The following RYR3 variants were observed in gnomAD, a reference collection of about 807,000 sequenced individuals.
RYR3 encodes the protein brain ryanodine receptor-calcium release channel.
Under a neutral mutation model 584.3 loss-of-function variants are expected in RYR3, and 207 were observed. The observed-to-expected ratio is 0.35, with a 90% CI of 0.32 to 0.40. RYR3 has a LOEUF of 0.40. Among genes scored for constraint, RYR3 ranks in the 10% least tolerant of loss-of-function variants. RYR3 has a pLI of 1.00. For missense variants in RYR3, 5,616 were observed against 6,089.2 expected (o/e 0.92, Z 2.59); for synonymous variants, 2,416 against 2,248.5 (o/e 1.07, Z -2.11).
intron 1 of RYR3, among the ~76,000 whole-genome samples, chr15:33,336,027 G>C (rs978606099): frequency 6.6e-6 from 1 of 152,022 alleles, no homozygotes; most frequent in African/African-American, 2.4e-5. Context: ...GCCAAATTCT[G>C]GTTATTTTAA....
intron 1 of RYR3, among the ~76,000 whole-genome samples, chr15:33,407,327 G>C (rs1043765994): frequency 6.6e-6 from 1 of 152,220 alleles, no homozygotes; most frequent in Non-Finnish European, 1.5e-5. Flanking sequence ...CAGAAGAGAA[G>C]TAAAACAGGG....
At chr15:33,742,042 T>C (rs1312879458) in intron 51 of RYR3, among the ~76,000 whole-genome samples, 2 of 152,172 alleles carry the variant, frequency 1.3e-5, no homozygotes, top group Non-Finnish European at 2.9e-5. Flanking sequence ...TGACAGGCCA[T>C]TTACCTTGGA....
intron 14 of RYR3, 43 bp from the exon 15 acceptor site, chr15:33,584,352 T>C (rs2058738191): frequency 1.8e-6 from 2 of 1,089,818 alleles, no homozygotes; most frequent in African/African-American, 1.5e-5. Context: ...CGCCCATCAT[T>C]ATATCCTTTA....
intron 1 of RYR3, among the ~76,000 whole-genome samples, chr15:33,381,051 C>A (rs1188853180): frequency 6.6e-6 from 1 of 152,174 alleles, no homozygotes; most frequent in African/African-American, 2.4e-5. Context: ...TGTCTCCTAT[C>A]TTTAGTCTAT....
chr15:33,605,821 A>G (rs1056703159), intron 18 of RYR3, among the ~76,000 whole-genome samples: 6 of 152,208 alleles, frequency 3.9e-5, no homozygotes, highest in Non-Finnish European at 7.3e-5. Flanking sequence ...GTAATTGATG[A>G]AGAAATGAAA....
At chr15:33,659,184 G>A (rs904732361) in intron 32 of RYR3, among the ~76,000 whole-genome samples, 1 of 152,206 alleles carries the variant, frequency 6.6e-6, no homozygotes, top group Admixed American at 6.5e-5. Flanking sequence ...ACCGCAAAAA[G>A]CTACCTGGCC....
At chr15:33,606,231 A>G (rs2059895794) in intron 18 of RYR3, among the ~76,000 whole-genome samples, 1 of 152,190 alleles carries the variant, frequency 6.6e-6, no homozygotes. Context: ...GGATACTATA[A>G]GATTCTTATG....
At position 33,594,117 on chromosome 15, in the gene RYR3, C is replaced by T. The variant is rs183035147; in HGVS notation, c.1789-7302C>T. Among the ~76,000 whole-genome samples, 9 of 152,276 alleles carry T rather than the reference C, an allele frequency of 5.9e-5. No homozygotes were observed. In the East Asian group the frequency reaches 1.7e-3, roughly 29 times the overall value. ...ACGTGTCAGAAAGTGACATTCTTTA[C>T]TTACCTCAGAAACCCTATACATGGA... On this transcript the variant is annotated intron_variant, in intron 16 of 103. Coordinates refer to ENST00000634891, the MANE Select transcript of RYR3 (RefSeq NM_001036.6).
intron 12 of RYR3, among the ~76,000 whole-genome samples, chr15:33,570,160 A>G (rs1049786569): frequency 6.6e-6 from 1 of 152,126 alleles, no homozygotes; most frequent in African/African-American, 2.4e-5. Context: ...ACTCAAAATC[A>G]TCATGATTTT....
intron 1 of RYR3, among the ~76,000 whole-genome samples, chr15:33,417,302 G>A (rs987549055): frequency 3.9e-5 from 6 of 152,032 alleles, no homozygotes; most frequent in African/African-American, 1.2e-4. Context: ...TAATGATATT[G>A]ATTCTTCCTA....
chr15:33,400,170 AT>A (rs1336291389), intron 1 of RYR3, among the ~76,000 whole-genome samples: 5 of 152,108 alleles, frequency 3.3e-5, no homozygotes, highest in South Asian at 2.1e-4. Context: ...TCAGCCTTAT[AT>A]TTGTCAGAGT....
intron 1 of RYR3, among the ~76,000 whole-genome samples, chr15:33,373,765 C>T (rs1451626867): frequency 2.6e-5 from 4 of 152,072 alleles, no homozygotes; most frequent in Admixed American, 1.3e-4. Flanking sequence ...TTAAATTATG[C>T]CTTCAAATAG....
chr15:33,552,766 C>G (rs1292436128), intron 10 of RYR3, among the ~76,000 whole-genome samples: 2 of 152,160 alleles, frequency 1.3e-5, no homozygotes, highest in African/African-American at 4.8e-5. Flanking sequence ...GAACACATAA[C>G]TGTCATACAC....
intron 3 of RYR3, among the ~76,000 whole-genome samples, chr15:33,512,802 A>G (rs1397947603): frequency 6.6e-6 from 1 of 152,170 alleles, no homozygotes; most frequent in Non-Finnish European, 1.5e-5. Context: ...TTTAATTGCA[A>G]AAAAATGTAA....
At chr15:33,526,088 AG>A (rs2054362355) in intron 3 of RYR3, among the ~76,000 whole-genome samples, 1 of 152,226 alleles carries the variant, frequency 6.6e-6, no homozygotes, top group African/African-American at 2.4e-5. Context: ...GAGATGTTAA[AG>A]GAAGTTAGTT....
rs923507503 is a variant in RYR3 at position 33,861,032 on chromosome 15, C to G, written c.14365-46C>G. The G allele has an allele frequency of 6.7e-6, 9 of 1,350,110 alleles. No individual in the cohort carries two copies. The Admixed American group carries it at 1.8e-4, about 27-fold the overall frequency. The allele number at this position is 1,350,110 out of a possible 1,614,324, so 83.6% of individuals were successfully genotyped here. A position where few individuals can be genotyped will look rare whatever the true frequency, so the allele number is the denominator to read the frequency against. ...GAATCATGACAGTTTTCTCTCCTGCCTATATTATGCCAACAAATGCCTTTT... is the reference window on the plus strand; with the variant it reads ...GAATCATGACAGTTTTCTCTCCTGCGTATATTATGCCAACAAATGCCTTTT... On this transcript the variant is annotated intron_variant, in intron 101 of 103. Coordinates refer to ENST00000634891, the MANE Select transcript of RYR3 (RefSeq NM_001036.6).
intron 38 of RYR3, among the ~76,000 whole-genome samples, chr15:33,687,919 G>A (rs1359998517): frequency 6.6e-6 from 1 of 152,066 alleles, no homozygotes; most frequent in Non-Finnish European, 1.5e-5. Flanking sequence ...AATTCAAGAT[G>A]GATTAAAGAC....
rs1555399525 is a variant in RYR3, at chr15:33,664,613, A to ATATG, written c.5619+878_5619+879insTGTA. On this transcript the variant is annotated intron_variant, in intron 36 of 103. Coordinates refer to ENST00000634891, the MANE Select transcript of RYR3 (RefSeq NM_001036.6). The stretch of plus-strand genomic sequence containing the variant: ...TGTATATATATATATATATATATAT[A>ATATG]TACGTATGTATACATCTGCGAGGGA... 3.5e-5 allele frequency among the ~76,000 whole-genome samples: 5 copies of ATATG among 141,354 alleles called. No individual in the cohort carries two copies. The South Asian group carries it at 9.1e-4, about 26-fold the overall frequency. 92.7% of individuals were successfully genotyped at this position (141,354 alleles called of 152,430 possible).
rs189298710 is a variant in RYR3 at position 33,374,279 on chromosome 15, G to A, written c.51+63183G>A. 1.6e-3 allele frequency among the ~76,000 whole-genome samples: 246 copies of A among 152,202 alleles called. 1 individual carries two copies. Among genetic ancestry groups the A allele is most frequent in the Non-Finnish European group, 2.9e-3 (196 of 68,012 alleles). ...TTGACTGAGATGCGACTGGCTCTAA[G>A]CTCATCTCTCATTTAGCCTGTAGCC... On this transcript the variant is annotated intron_variant, in intron 1 of 103. Coordinates refer to ENST00000634891, the MANE Select transcript of RYR3 (RefSeq NM_001036.6).
Sources: allele counts gnomAD v4.1 joint callset (sites outside exome capture counted in the v4.1 genomes callset), GRCh38; gene constraint gnomAD v4.1.1; transcripts MANE v1.5; gene names NCBI Gene and HGNC (gene_info 2026-07-23, HGNC 2026-07-21).